Variants in BOC observed in about 807,000 individuals in gnomAD.
BOC encodes the protein brother of CDO.
In BOC, 76 loss-of-function variants were observed where a neutral mutation model predicts 112.0. That is an observed-to-expected ratio of 0.68 (90% CI 0.56 to 0.82). The LOEUF is 0.82. Ranked by LOEUF, BOC falls within the 40% of genes least tolerant of loss-of-function variation. The probability of loss-of-function intolerance (pLI) is 0.00; values close to 1 mark genes in which losing one functional copy is unlikely to be tolerated. For missense variants in BOC, 1,309 were observed against 1,511.7 expected, an observed-to-expected ratio of 0.87 and a Z score of 2.22; for synonymous variants, 580 against 599.8, an observed-to-expected ratio of 0.97 and a Z score of 0.48.
chr3:113,258,588 G>A (rs1029102946), intron 4 of BOC, among the ~76,000 whole-genome samples: 12 of 152,346 alleles, frequency 7.9e-5, no homozygotes, highest in African/African-American at 2.9e-4. Flanking sequence ...GGGCATCAGG[G>A]AATCCTGTAC....
At chr3:113,273,035 C>T (rs774250765) in intron 7 of BOC, 34 bp from the exon 8 acceptor site, 1 of 1,574,092 alleles carries the variant, frequency 6.4e-7, no homozygotes, top group South Asian at 1.2e-5. Context: ...CAGAAAGACA[C>T]AGCCCTTCTC....
Position 113,278,707 on chromosome 3 carries a change from A to G in BOC, c.1740A>G (p.Lys580=), listed in dbSNP as rs775228. ...CCAAACCCGAGATCATGGCCAGCAA[A>G]GAGCAGCAGATCCAGAGAGACGACC... ...RRPKPEIMAS[K]EQQIQRDDPG... The change falls in exon 11 of 20, where the codon AAA becomes AAG. Residue 580 remains lysine (K), a synonymous_variant. Coordinates refer to ENST00000682979, the MANE Select transcript of BOC (RefSeq NM_001378074.1). The surrounding 1 kb of genome is among the most constrained non-coding windows in gnomAD (Gnocchi z 4.2). 774,562 of 1,570,136 alleles carry G rather than the reference A, an allele frequency of 0.49. 196,529 individuals carry two copies. Among genetic ancestry groups the G allele is most frequent in the East Asian group, 0.76 (32,275 of 42,376 alleles).
rs1238945879 is a variant in BOC, at chr3:113,250,546, T to C, written c.98-9T>C. 1 of 1,601,846 alleles carries C rather than the reference T, an allele frequency of 6.2e-7. No individual in the cohort carries two copies. Among genetic ancestry groups the C allele is most frequent in the Non-Finnish European group, 8.5e-7 (1 of 1,173,936 alleles). The stretch of plus-strand genomic sequence containing the variant: ...TCAGTTCATTGCTGCATCCCTGTTC[T>C]TCCTCCAGACGAGGTCCCTCAGGTC... On this transcript the variant is annotated splice_polypyrimidine_tract_variant and intron_variant, in intron 3 of 19. Coordinates refer to ENST00000682979, the MANE Select transcript of BOC (RefSeq NM_001378074.1).
At chr3:113,249,199 G>A (rs1945309091) in intron 2 of BOC, among the ~76,000 whole-genome samples, 1 of 152,156 alleles carries the variant, frequency 6.6e-6, no homozygotes, top group Admixed American at 6.5e-5. Flanking sequence ...TGAGATGCTA[G>A]GATTCATTCA....
chr3:113,234,568 G>C (rs1040912476), intron 2 of BOC, among the ~76,000 whole-genome samples: 1 of 152,214 alleles, frequency 6.6e-6, no homozygotes, highest in Non-Finnish European at 1.5e-5. Flanking sequence ...ATGGGGGCTA[G>C]GTCCTAAGCT....
At chr3:113,245,148 T>A (rs995527805) in intron 2 of BOC, among the ~76,000 whole-genome samples, 9 of 152,218 alleles carry the variant, frequency 5.9e-5, no homozygotes, top group Admixed American at 1.3e-4. Flanking sequence ...ATTAAAAAAA[T>A]TTTTTAAATT....
chr3:113,249,988 C>G (rs894098726), intron 3 of BOC, 89 bp downstream of exon 3: 2 of 1,129,786 alleles, frequency 1.8e-6, no homozygotes, highest in East Asian at 5.0e-5. Flanking sequence ...GCCTTCTTTA[C>G]CTGGATTTCA....
At chr3:113,244,906 A>G (rs1162763986) in intron 2 of BOC, among the ~76,000 whole-genome samples, 3 of 152,188 alleles carry the variant, frequency 2.0e-5, no homozygotes, top group Admixed American at 6.5e-5. Flanking sequence ...GGCTCCAGAA[A>G]CAATTTGCTA....
intron 5 of BOC, 182 bp from the exon 6 acceptor site, chr3:113,270,619 T>C (rs1220157453): frequency 4.6e-6 from 3 of 646,158 alleles, no homozygotes; most frequent in South Asian, 2.2e-5. Flanking sequence ...GTCCTGCTTG[T>C]TGCAAGGTTT....
intron 2 of BOC, among the ~76,000 whole-genome samples, chr3:113,237,612 C>T (rs1559823674): frequency 6.6e-6 from 1 of 152,232 alleles, no homozygotes; most frequent in East Asian, 1.9e-4. Flanking sequence ...ACAGGAGCAT[C>T]TGCAGGGACA....
chr3:113,218,227 G>A (rs760259352), intron 2 of BOC, among the ~76,000 whole-genome samples: 106 of 152,290 alleles, frequency 7.0e-4, no homozygotes, highest in Non-Finnish European at 5.3e-4. Context: ...ACTGGACTTC[G>A]GAAGAGAGCC....
intron 2 of BOC, among the ~76,000 whole-genome samples, chr3:113,219,007 G>A (rs1422553208): frequency 6.6e-6 from 1 of 152,364 alleles, no homozygotes; most frequent in Non-Finnish European, 1.5e-5. Context: ...TAGGTCTTGA[G>A]TGTGGGTGAA....
intron 14 of BOC, among the ~76,000 whole-genome samples, 164 bp downstream of exon 14, chr3:113,280,827 G>A (rs1949123366): frequency 6.6e-6 from 1 of 152,178 alleles, no homozygotes; most frequent in Non-Finnish European, 1.5e-5. Flanking sequence ...CCTTGAAGCT[G>A]TCAACTTCAT....
At chr3:113,241,689 C>T (rs947641293) in intron 2 of BOC, among the ~76,000 whole-genome samples, 1 of 152,220 alleles carries the variant, frequency 6.6e-6, no homozygotes, top group Non-Finnish European at 1.5e-5. Context: ...AATATGGACT[C>T]TATTAAGCTC....
chr3:113,254,993 T>C (rs557752101), intron 4 of BOC, among the ~76,000 whole-genome samples: 4 of 152,220 alleles, frequency 2.6e-5, no homozygotes, highest in African/African-American at 9.6e-5. Flanking sequence ...ACTCTCTCCC[T>C]CCCTCCACCC....
chr3:113,277,316 C>T (rs1948760877), intron 9 of BOC, among the ~76,000 whole-genome samples: 3 of 152,084 alleles, frequency 2.0e-5, no homozygotes, highest in Admixed American at 2.0e-4. Context: ...AGTTTATTTG[C>T]CTCATTGGTG....
chr3:113,236,243 T>TGA (rs1943435350), intron 2 of BOC, among the ~76,000 whole-genome samples: 1 of 74,430 alleles, frequency 1.3e-5, no homozygotes, highest in African/African-American at 4.7e-5. Context: ...TGTGTGTGTG[T>TGA]GTGTGTGTGT....
intron 7 of BOC, 145 bp downstream of exon 7, chr3:113,272,848 G>T: frequency 8.9e-7 from 1 of 1,126,572 alleles, no homozygotes; most frequent in Non-Finnish European, 1.3e-6. Context: ...TGAAGAGTCA[G>T]GGCTCTTCGG....
At chr3:113,252,584 C>T (rs1224670308) in intron 4 of BOC, among the ~76,000 whole-genome samples, 6 of 152,168 alleles carry the variant, frequency 3.9e-5, no homozygotes, top group East Asian at 1.9e-4. Context: ...GTCCCCAGAT[C>T]CCTGGAGGAG....
Sources: gnomAD v4.1 joint callset for allele counts (sites outside exome capture counted in the v4.1 genomes callset) on GRCh38, gnomAD v4.1.1 for gene constraint, Gnocchi (gnomAD v3.1) non-coding constraint, MANE v1.5 for transcripts, NCBI Gene and HGNC (gene_info 2026-07-23, HGNC 2026-07-21) for gene names.